Variants in ATP8A2 observed in about 807,000 individuals in gnomAD.
ATP8A2 encodes phospholipid-transporting ATPase IB.
A neutral mutation model predicts 165.6 loss-of-function variants in ATP8A2; 100 were observed. The ratio of observed to expected loss-of-function variants is 0.60; its 90% CI spans 0.51 to 0.71. The LOEUF is 0.71. Among genes scored for constraint, ATP8A2 ranks in the 30% least tolerant of loss-of-function variants. The probability of loss-of-function intolerance (pLI) is 0.00; values close to 1 mark genes in which losing one functional copy is unlikely to be tolerated. For synonymous variants in ATP8A2, 543 were observed against 548.8 expected, an observed-to-expected ratio of 0.99 and a Z score of 0.15; for missense variants, 1,227 against 1,479.5, an observed-to-expected ratio of 0.83 and a Z score of 2.80.
chr13:25,960,783 C>A (rs1174391368), intron 33 of ATP8A2, among the ~76,000 whole-genome samples: 1 of 152,132 alleles, frequency 6.6e-6, no homozygotes, highest in African/African-American at 2.4e-5. Context: ...CAGCTCTGAT[C>A]CCCAAAACCC....
chr13:25,998,847 A>G (rs1011021430), intron 35 of ATP8A2, among the ~76,000 whole-genome samples: 6 of 152,208 alleles, frequency 3.9e-5, no homozygotes, highest in African/African-American at 1.4e-4. Flanking sequence ...AAAAATTACA[A>G]TGTTTCATCT....
intron 1 of ATP8A2, among the ~76,000 whole-genome samples, chr13:25,422,294 T>G (rs2034323773): frequency 1.3e-5 from 2 of 152,218 alleles, no homozygotes; most frequent in African/African-American, 4.8e-5. Flanking sequence ...ATTTGCTTAA[T>G]AGACTAAGAA....
intron 27 of ATP8A2, among the ~76,000 whole-genome samples, chr13:25,815,388 T>A (rs1950986529): frequency 6.6e-6 from 1 of 152,208 alleles, no homozygotes; most frequent in African/African-American, 2.4e-5. Context: ...AAGACTTGAG[T>A]AGACATTTCT....
At chr13:25,435,912 CGTGTGTGT>C (rs148040890) in intron 1 of ATP8A2, among the ~76,000 whole-genome samples, 1 of 56,710 alleles carries the variant, frequency 1.8e-5, no homozygotes, top group African/African-American at 4.0e-5. Context: ...GAAAAAGCAT[CGTGTGTGT>C]GTGTGTGTGT....
At chr13:25,823,749 G>T (rs917114014) in intron 27 of ATP8A2, among the ~76,000 whole-genome samples, 1 of 152,090 alleles carries the variant, frequency 6.6e-6, no homozygotes, top group Admixed American at 6.5e-5. Flanking sequence ...TCTGTTGCTT[G>T]TTTTGTTTCC....
At chr13:25,919,854 C>G (rs1954394557) in intron 33 of ATP8A2, among the ~76,000 whole-genome samples, 1 of 152,158 alleles carries the variant, frequency 6.6e-6, no homozygotes, top group Non-Finnish European at 1.5e-5. Flanking sequence ...TAACCTCGAT[C>G]ATAGCTCCCA....
intron 2 of ATP8A2, among the ~76,000 whole-genome samples, chr13:25,520,072 A>G (rs1314733374): frequency 6.6e-6 from 1 of 152,224 alleles, no homozygotes; most frequent in Admixed American, 6.5e-5. Flanking sequence ...AGATTATTGT[A>G]AACTATAGTC....
chr13:25,997,805 C>T (rs940775363), intron 35 of ATP8A2, among the ~76,000 whole-genome samples: 1 of 151,992 alleles, frequency 6.6e-6, no homozygotes, highest in African/African-American at 2.4e-5. Context: ...TTCTTGGCTG[C>T]GGCTTTCTAT....
chr13:25,530,732 T>C, intron 4 of ATP8A2, 72 bp downstream of exon 4: 1 of 962,222 alleles, frequency 1.0e-6, no homozygotes, highest in South Asian at 1.4e-5. Context: ...CCTCGGGTGA[T>C]ATATTTAAGG....
intron 1 of ATP8A2, among the ~76,000 whole-genome samples, chr13:25,442,894 T>C (rs2034970819): frequency 6.6e-6 from 1 of 152,116 alleles, no homozygotes; most frequent in African/African-American, 2.4e-5. Flanking sequence ...CTCTGTCAAT[T>C]TGTTGTTGTT....
rs1257678021 is a variant in ATP8A2, at chr13:25,769,187, A to G, written c.2526A>G (p.Glu842=). The stretch of plus-strand genomic sequence containing the variant: ...TGGGTGTGGGAATCAGTGGGAATGA[A>G]GGCATGCAGGCCACCAACAACTCGG... ...AHVGVGISGN[E]GMQATNNSDY... Residue 842 remains glutamate (E), a synonymous_variant, in exon 26 of 37, where the codon GAA becomes GAG. Coordinates refer to ENST00000381655, the MANE Select transcript of ATP8A2 (RefSeq NM_016529.6). 2 of 1,613,756 alleles carry G rather than the reference A, an allele frequency of 1.2e-6. No homozygotes were observed. The highest frequency in any genetic ancestry group is 3.3e-5 in the Admixed American group (2 of 60,022).
At chr13:25,578,705 C>G (rs1184201259) in intron 20 of ATP8A2, 110 bp from the exon 21 acceptor site, 1 of 730,936 alleles carries the variant, frequency 1.4e-6, no homozygotes, top group African/African-American at 1.8e-5. Flanking sequence ...TACTTACCCA[C>G]TCGGGTATTC....
In ATP8A2 at chr13:25,774,899, C is replaced by A; in HGVS notation, c.2619C>A (p.Asn873Lys). The A allele has an allele frequency of 6.2e-7, 1 of 1,613,926 alleles. No homozygotes were observed. The highest frequency in any genetic ancestry group is 1.1e-5 in the South Asian group (1 of 91,070). Residue 873 changes from asparagine (N) to lysine (K), a missense_variant, in exon 27 of 37, where the codon AAC becomes AAA. Asn to Lys is a moderately conservative substitution (Grantham distance 94). Transcript: ENST00000381655. ...LLLVHGAWSY[N>K]RVTKCILYCF... Reference sequence around the variant, plus strand: ...TGGTTCATGGAGCCTGGAGCTACAACCGGGTGACCAAGTGCATCTTGTACT... The same window carrying A: ...TGGTTCATGGAGCCTGGAGCTACAAACGGGTGACCAAGTGCATCTTGTACT...
chr13:25,760,115 C>G (rs770835581), intron 25 of ATP8A2, among the ~76,000 whole-genome samples: 6 of 152,206 alleles, frequency 3.9e-5, no homozygotes, highest in Non-Finnish European at 8.8e-5. Context: ...GTCTCAGCTG[C>G]AGAGGCAGCA....
chr13:25,890,722 A>G (rs1419915920), intron 33 of ATP8A2, among the ~76,000 whole-genome samples: 1 of 152,144 alleles, frequency 6.6e-6, no homozygotes, highest in Non-Finnish European at 1.5e-5. Flanking sequence ...TTTTTTCTTT[A>G]GTGGGAGCCT....
rs188250512 is a variant in ATP8A2 at position 25,398,647 on chromosome 13, C to T, written c.76+26359C>T. On this transcript the variant is annotated intron_variant, in intron 1 of 36. Coordinates refer to ENST00000381655, the MANE Select transcript of ATP8A2 (RefSeq NM_016529.6). The stretch of plus-strand genomic sequence containing the variant: ...TTAATAAACATTGTTGACTACATGC[C>T]CTGTACTAAAACTTCTGGAAACACA... Among the ~76,000 whole-genome samples, 355 of 152,294 alleles carry T rather than the reference C, an allele frequency of 2.3e-3. 4 individuals carry two copies. Among genetic ancestry groups the T allele is most frequent in the African/African-American group, 8.3e-3 (346 of 41,552 alleles).
At chr13:25,905,309 G>A (rs9581475) in intron 33 of ATP8A2, among the ~76,000 whole-genome samples, 171 of 152,100 alleles carry the variant, frequency 1.1e-3, no homozygotes, top group African/African-American at 4.1e-3. Context: ...TTTCTAAAAC[G>A]ATAAGTTTTT....
intron 1 of ATP8A2, among the ~76,000 whole-genome samples, chr13:25,418,512 A>C (rs1243660343): frequency 6.6e-6 from 1 of 152,160 alleles, no homozygotes; most frequent in East Asian, 1.9e-4. Flanking sequence ...TCTCATAGAC[A>C]TAGCGTTAAA....
At chr13:25,637,578 C>T (rs1019244330) in intron 24 of ATP8A2, among the ~76,000 whole-genome samples, 9 of 152,232 alleles carry the variant, frequency 5.9e-5, no homozygotes, top group South Asian at 4.1e-4. Context: ...CTGCCATTGA[C>T]GAGGCTTGAG....
Sources: gnomAD v4.1 joint callset for allele counts (sites outside exome capture counted in the v4.1 genomes callset) on GRCh38, gnomAD v4.1.1 for gene constraint, MANE v1.5 for transcripts, NCBI Gene and HGNC (gene_info 2026-07-23, HGNC 2026-07-21) for gene names.